Variants in SOX6 observed in about 807,000 individuals in gnomAD.
SOX6 encodes the protein SRY-box transcription factor 6.
SOX6 carries 11 observed loss-of-function variants against 97.8 expected under a neutral mutation model. The observed-to-expected ratio is 0.11, with a 90% confidence interval of 0.07 to 0.19. The LOEUF is 0.19. Ranked by LOEUF, SOX6 falls within the 10% of genes least tolerant of loss-of-function variation. The probability of loss-of-function intolerance (pLI) is 1.00; values close to 1 mark genes in which losing one functional copy is unlikely to be tolerated. For missense variants in SOX6, 810 were observed against 1,039.5 expected (o/e 0.78, Z 3.04); for synonymous variants, 360 against 371.4 (o/e 0.97, Z 0.35).
intron 4 of SOX6, among the ~76,000 whole-genome samples, chr11:16,575,971 G>C (rs185229209): frequency 5.9e-5 from 9 of 152,164 alleles, no homozygotes; most frequent in African/African-American, 2.2e-4. Context: ...ATCTACCTCA[G>C]AGTTACTGTG....
intron 9 of SOX6, among the ~76,000 whole-genome samples, chr11:16,074,301 T>C (rs575308547): frequency 6.6e-6 from 1 of 152,282 alleles, no homozygotes; most frequent in South Asian, 2.1e-4. Context: ...TCTCAGTGAC[T>C]ACTATGAACA....
intron 3 of SOX6, among the ~76,000 whole-genome samples, chr11:16,709,592 A>G (rs983495394): frequency 6.6e-6 from 1 of 152,104 alleles, no homozygotes; most frequent in African/African-American, 2.4e-5. Flanking sequence ...GCCTTCCACT[A>G]TAAGAAAAAG....
chr11:16,031,094 C>A (rs1411832623), intron 12 of SOX6, among the ~76,000 whole-genome samples: 2 of 152,158 alleles, frequency 1.3e-5, no homozygotes, highest in East Asian at 3.9e-4. Flanking sequence ...TTTTACAGAA[C>A]ATACTGAGAC....
chr11:16,046,979 T>C (rs1003735338), intron 11 of SOX6, among the ~76,000 whole-genome samples: 3 of 152,108 alleles, frequency 2.0e-5, no homozygotes, highest in Non-Finnish European at 2.9e-5. Flanking sequence ...ACTCCAATTG[T>C]ATACATATTG....
chr11:16,103,968 T>C (rs909514622), intron 7 of SOX6, among the ~76,000 whole-genome samples: 1 of 151,800 alleles, frequency 6.6e-6, no homozygotes, highest in Non-Finnish European at 1.5e-5. Context: ...AAATCACCAC[T>C]ATTGACATTC....
intron 3 of SOX6, among the ~76,000 whole-genome samples, chr11:16,249,541 T>C (rs539840526): frequency 6.6e-6 from 1 of 152,308 alleles, no homozygotes; most frequent in East Asian, 1.9e-4. Context: ...TTCTGAGCAC[T>C]CCAAACTGTT....
intron 3 of SOX6, chr11:16,317,431 C>A (rs1329413749): frequency 2.0e-5 from 3 of 151,608 alleles, no homozygotes; most frequent in African/African-American, 2.4e-5. Context: ...AAGAATTTAC[C>A]CAGGGTGACA....
At chr11:16,082,629 T>C (rs965149749) in intron 9 of SOX6, among the ~76,000 whole-genome samples, 3 of 152,170 alleles carry the variant, frequency 2.0e-5, no homozygotes, top group African/African-American at 7.2e-5. Context: ...ACAGTCTCAT[T>C]TGCCACAGGG....
At chr11:16,526,754 C>A (rs1044717916) in intron 4 of SOX6, among the ~76,000 whole-genome samples, 1 of 152,006 alleles carries the variant, frequency 6.6e-6, no homozygotes, top group African/African-American at 2.4e-5. Context: ...ATCAATTTTA[C>A]TTAAAATAAG....
intron 4 of SOX6, among the ~76,000 whole-genome samples, chr11:16,558,201 T>C (rs1276088226): frequency 6.6e-6 from 1 of 151,936 alleles, no homozygotes; most frequent in Non-Finnish European, 1.5e-5. Flanking sequence ...CTATAAACTC[T>C]GATTGCTGGC....
chr11:16,246,977 C>T (rs987774643), intron 3 of SOX6, among the ~76,000 whole-genome samples: 1 of 152,012 alleles, frequency 6.6e-6, no homozygotes. Flanking sequence ...ACTATAGAAA[C>T]CCTCCTGTGA....
intron 12 of SOX6, among the ~76,000 whole-genome samples, chr11:16,036,155 C>G (rs1855513920): frequency 6.6e-6 from 1 of 151,240 alleles, no homozygotes; most frequent in Non-Finnish European, 1.5e-5. Flanking sequence ...CCTCTGCTCA[C>G]CGCAACCTCT....
chr11:16,590,089 C>A (rs946003898), intron 4 of SOX6, among the ~76,000 whole-genome samples: 1 of 152,120 alleles, frequency 6.6e-6, no homozygotes, highest in Non-Finnish European at 1.5e-5. Context: ...CTGGAGTCAC[C>A]ATTTACCTAG....
intron 3 of SOX6, among the ~76,000 whole-genome samples, chr11:16,295,622 A>G (rs1855055745): frequency 6.6e-6 from 1 of 152,056 alleles, no homozygotes; most frequent in Admixed American, 6.6e-5. Context: ...CACTTACTCT[A>G]TTTCCTACCA....
At chr11:16,496,523 C>T (rs532565853) in intron 4 of SOX6, among the ~76,000 whole-genome samples, 19 of 152,330 alleles carry the variant, frequency 1.2e-4, no homozygotes, top group African/African-American at 2.6e-4. Context: ...GGCAAGGCAT[C>T]GCCTCACCCG....
At chr11:16,546,980 C>T (rs1847628611) in intron 4 of SOX6, among the ~76,000 whole-genome samples, 1 of 152,050 alleles carries the variant, frequency 6.6e-6, no homozygotes, top group South Asian at 2.1e-4. Context: ...AGAAGACATA[C>T]AAATGGCCAA....
chr11:16,143,832 G>A (rs537172570), intron 6 of SOX6, among the ~76,000 whole-genome samples: 2 of 152,186 alleles, frequency 1.3e-5, no homozygotes, highest in African/African-American at 4.8e-5. Context: ...CCCAATACAG[G>A]AGCACCCAGA....
intron 3 of SOX6, among the ~76,000 whole-genome samples, chr11:16,676,217 T>C (rs1288314109): frequency 6.6e-6 from 1 of 152,260 alleles, no homozygotes; most frequent in East Asian, 1.9e-4. Context: ...ATTTCAGTTA[T>C]TATGCTTCTC....
chr11:16,217,081 CA>C (rs1245594842), intron 4 of SOX6, among the ~76,000 whole-genome samples: 5 of 152,188 alleles, frequency 3.3e-5, no homozygotes, highest in Admixed American at 3.3e-4. Context: ...TGTATTTAAG[CA>C]AAACCACAGC....
Sources: gnomAD v4.1 joint callset for allele counts (sites outside exome capture counted in the v4.1 genomes callset) on GRCh38, gnomAD v4.1.1 for gene constraint, MANE v1.5 for transcripts, NCBI Gene and HGNC (gene_info 2026-07-23, HGNC 2026-07-21) for gene names.